SPATA13: variants seen among roughly 807,000 people sequenced by gnomAD.
SPATA13 encodes the protein spermatogenesis associated 13, also known as spermatogenesis-associated protein 13.
Under a neutral mutation model 104.0 loss-of-function variants are expected in SPATA13, and 50 were observed. The observed-to-expected ratio is 0.48, with a 90% CI of 0.38 to 0.61. SPATA13 has a LOEUF of 0.61. Among genes scored for constraint, SPATA13 ranks in the 20% least tolerant of loss-of-function variants. SPATA13 has a pLI of 0.00. For synonymous variants in SPATA13, 606 were observed against 667.5 expected (o/e 0.91, Z 1.42); for missense variants, 1,524 against 1,690.6 (o/e 0.90, Z 1.73).
chr13:24,291,756 A>ATTATTT (rs1876382818), intron 9 of SPATA13, among the ~76,000 whole-genome samples: 21 of 136,542 alleles, frequency 1.5e-4, no homozygotes, highest in African/African-American at 5.3e-4. Context: ...TTATTTTTTT[A>ATTATTT]TTTTTTTTTT....
At chr13:24,281,651 G>C (rs1875532616) in intron 4 of SPATA13, among the ~76,000 whole-genome samples, 1 of 152,176 alleles carries the variant, frequency 6.6e-6, no homozygotes, top group South Asian at 2.1e-4. Context: ...TCTCTGAGAG[G>C]GGCACCCCAG....
intron 3 of SPATA13, among the ~76,000 whole-genome samples, chr13:24,036,883 C>G (rs538089012): frequency 3.8e-4 from 58 of 152,096 alleles, no homozygotes; most frequent in African/African-American, 1.3e-3. Flanking sequence ...TCAAGCGATT[C>G]TCCGACCTCA....
At chr13:24,015,963 G>A (rs879140043) in intron 2 of SPATA13, among the ~76,000 whole-genome samples, 4 of 152,208 alleles carry the variant, frequency 2.6e-5, no homozygotes, top group Admixed American at 2.6e-4. Context: ...TTCTGCCCTC[G>A]GATGTCGCGG....
chr13:24,236,268 G>T (rs1872559855), intron 2 of SPATA13, among the ~76,000 whole-genome samples: 1 of 152,076 alleles, frequency 6.6e-6, no homozygotes, highest in African/African-American at 2.4e-5. Flanking sequence ...TGACATAAAT[G>T]ATATCTTCAA....
At chr13:24,157,244 G>A (rs946939997), upstream of SPATA13, among the ~76,000 whole-genome samples, 1 of 152,098 alleles carries the variant, frequency 6.6e-6, no homozygotes, top group Non-Finnish European at 1.5e-5. Context: ...TCTATCAAGG[G>A]AGTCTACCAA....
intron 1 of SPATA13, among the ~76,000 whole-genome samples, chr13:24,165,478 G>C (rs1444379480): frequency 1.3e-5 from 2 of 152,174 alleles, no homozygotes; most frequent in Non-Finnish European, 2.9e-5. Context: ...GAAATGGCCA[G>C]ACTGGAGAGT....
intron 3 of SPATA13, among the ~76,000 whole-genome samples, chr13:24,053,670 C>T (rs1166736783): frequency 6.6e-6 from 1 of 152,078 alleles, no homozygotes. Flanking sequence ...GGGGCTCCAT[C>T]CTGTCGTCCT....
chr13:24,302,229 C>T (rs73455764), intron 12 of SPATA13, among the ~76,000 whole-genome samples: 4,037 of 152,058 alleles, frequency 0.027, 141 homozygotes, highest in African/African-American at 0.075. Context: ...ACACGGAGTA[C>T]CTGAACATAA....
chr13:24,067,128 C>A (rs75922381), intron 3 of SPATA13, among the ~76,000 whole-genome samples: 2,072 of 152,224 alleles, frequency 0.014, 24 homozygotes, highest in Non-Finnish European at 0.021. Context: ...TGCCCCACAC[C>A]CCACCAAGCT....
intron 4 of SPATA13, among the ~76,000 whole-genome samples, chr13:24,259,586 T>C (rs984038410): frequency 6.6e-6 from 1 of 152,226 alleles, no homozygotes; most frequent in African/African-American, 2.4e-5. Flanking sequence ...CCCTTAGAAA[T>C]GGAAAAGATT....
chr13:24,279,855 C>T (rs9318446), intron 4 of SPATA13, among the ~76,000 whole-genome samples: 25,623 of 152,160 alleles, frequency 0.17, 2,240 homozygotes, highest in Middle Eastern at 0.26. Flanking sequence ...TGCCCCTGGC[C>T]TCTGCCCCCC....
intron 3 of SPATA13, among the ~76,000 whole-genome samples, chr13:24,153,019 T>C (rs974791140): frequency 6.6e-6 from 1 of 152,222 alleles, no homozygotes; most frequent in East Asian, 1.9e-4. Context: ...AAAAGCAGTG[T>C]TGTGCGTGTG....
chr13:24,183,410 A>G (rs1276102196), intron 1 of SPATA13, among the ~76,000 whole-genome samples: 1 of 152,200 alleles, frequency 6.6e-6, no homozygotes, highest in Non-Finnish European at 1.5e-5. Context: ...CTTAGTACAC[A>G]AAATAGCGTT....
intron 10 of SPATA13, 39 bp from the exon 11 acceptor site, chr13:24,297,324 A>G: frequency 1.3e-6 from 2 of 1,565,384 alleles, no homozygotes; most frequent in South Asian, 1.2e-5. Context: ...CAGCTGTGGT[A>G]GAATTGGAAG....
At position 24,223,194 on chromosome 13, in the gene SPATA13, C is replaced by T. The variant is rs777517204; in HGVS notation, c.265C>T (p.Arg89Trp). Residue 89 changes from arginine to tryptophan, a missense_variant, in exon 2 of 13, where the codon CGG (arginine) becomes TGG (tryptophan). By Grantham distance (101) the Arg-to-Trp change is moderately radical. Around this residue, in one of 2 missense-constraint regions of SPATA13, gnomAD observed 1,089 missense variants for 1,135.9 expected, o/e 0.96. Transcript: ENST00000382108. ...GAAGAGGACGGGTGCCCACCCCGAGCGGCCCCACTCCATGGTCCTGGTGGG... is the reference window on the plus strand; with the variant it reads ...GAAGAGGACGGGTGCCCACCCCGAGTGGCCCCACTCCATGGTCCTGGTGGG... ...SRKRTGAHPE[R>W]PHSMVLVGNS... 6.3e-5 allele frequency: 97 copies of T among 1,551,546 alleles called. No homozygotes were observed. Among genetic ancestry groups the T allele is most frequent in the Middle Eastern group, 5.0e-4 (3 of 6,014 alleles).
At chr13:24,177,163 A>G (rs904286524) in intron 1 of SPATA13, among the ~76,000 whole-genome samples, 2 of 152,260 alleles carry the variant, frequency 1.3e-5, no homozygotes, top group Non-Finnish European at 2.9e-5. Context: ...TTCCTTAATT[A>G]ATCAAAGAAT....
chr13:24,157,076 C>A (rs1408608244), upstream of SPATA13, among the ~76,000 whole-genome samples: 1 of 152,188 alleles, frequency 6.6e-6, no homozygotes. Context: ...CCTCTGCTTC[C>A]CTAACCCGGT....
chr13:24,256,319 G>A (rs1873788185), intron 4 of SPATA13, among the ~76,000 whole-genome samples: 1 of 152,152 alleles, frequency 6.6e-6, no homozygotes, highest in Admixed American at 6.5e-5. Context: ...GTTCAAAATA[G>A]CTAGAAGAGA....
intron 1 of SPATA13, among the ~76,000 whole-genome samples, chr13:24,201,682 G>A (rs368026794): frequency 5.1e-4 from 78 of 152,196 alleles, no homozygotes; most frequent in African/African-American, 1.8e-3. Context: ...CTCATGGTTC[G>A]CCCACCTTGG....
Sources: allele counts gnomAD v4.1 joint callset (sites outside exome capture counted in the v4.1 genomes callset), GRCh38; gene constraint gnomAD v4.1.1; regional missense constraint gnomAD v4.1.1; transcripts MANE v1.5; gene names NCBI Gene and HGNC (gene_info 2026-07-23, HGNC 2026-07-21).